The following KANSL1 variants were observed in gnomAD, a reference collection of about 807,000 sequenced individuals.
KANSL1 encodes the protein KAT8 regulatory NSL complex subunit 1.
In KANSL1, 22 loss-of-function variants were observed where a neutral mutation model predicts 103.6. The ratio of observed to expected loss-of-function variants is 0.21; its 90% CI spans 0.15 to 0.30. The LOEUF (loss-of-function observed/expected upper bound fraction) is 0.30. KANSL1 is among the 10% of genes least tolerant of loss of function. The probability of loss-of-function intolerance (pLI) is 1.00; values close to 1 mark genes in which losing one functional copy is unlikely to be tolerated. For synonymous variants in KANSL1, 600 were observed against 527.6 expected (o/e 1.14, Z -1.88); for missense variants, 1,337 against 1,399.8 (o/e 0.96, Z 0.72).
rs199498626 is a variant in KANSL1 at position 46,171,589 on chromosome 17, T to G, written c.555A>C (p.Ser185=). 6.3e-7 allele frequency: 1 copy of G among 1,593,902 alleles called. No homozygotes were observed. Among genetic ancestry groups the G allele is most frequent in the African/African-American group, 1.4e-5 (1 of 73,710 alleles). ...CCATTTCACCCCCATGAAGAGCAGATGAAGTGAGAGCCCGTTTTCCCCCAT... is the reference window on the plus strand; with the variant it reads ...CCATTTCACCCCCATGAAGAGCAGAGGAAGTGAGAGCCCGTTTTCCCCCAT... ...SLNGGKRALT[S]SALHGGEMGG... The change falls in exon 2 of 15, where the codon TCA becomes TCC. Residue 185 remains serine, a synonymous_variant. Transcript: ENST00000432791.
intron 4 of KANSL1, among the ~76,000 whole-genome samples, chr17:46,068,841 G>A (rs1349292599): frequency 6.6e-6 from 1 of 152,132 alleles, no homozygotes; most frequent in Admixed American, 6.6e-5. Flanking sequence ...GCACCTCTGA[G>A]GTATAGGCAA....
rs148908460 is a variant in KANSL1 at position 46,183,102 on chromosome 17, T to C, written c.-90+9721A>G. ...AGTAGGCGGAGTCAGAAAATGCTTT[T>C]CAGAAAAAAGAACATCCAGGCTGAA... On this transcript the variant is annotated intron_variant, in intron 1 of 14. Transcript: ENST00000432791. Among the ~76,000 whole-genome samples, 210 of 152,206 alleles carry C rather than the reference T, an allele frequency of 1.4e-3. 2 individuals are homozygous for C. Among genetic ancestry groups the C allele is most frequent in the African/African-American group, 2.2e-3 (90 of 41,518 alleles).
intron 1 of KANSL1, among the ~76,000 whole-genome samples, chr17:46,191,368 TG>T (rs1284604655): frequency 2.6e-5 from 4 of 152,230 alleles, no homozygotes; most frequent in Non-Finnish European, 5.9e-5. Context: ...TTTTCTAAAT[TG>T]GTCAGACAGC....
intron 4 of KANSL1, among the ~76,000 whole-genome samples, chr17:46,068,563 T>C (rs2078464127): frequency 1.3e-5 from 2 of 152,128 alleles, no homozygotes; most frequent in Admixed American, 1.3e-4. Context: ...AGTGAGACCC[T>C]GTCTCAATGA....
chr17:46,186,845 A>AG (rs1200205148), intron 1 of KANSL1, among the ~76,000 whole-genome samples: 1 of 151,974 alleles, frequency 6.6e-6, no homozygotes, highest in African/African-American at 2.4e-5. Context: ...CTCCTGCCTC[A>AG]GCCTCTTGAG....
chr17:46,119,287 G>A (rs75229280), intron 2 of KANSL1, among the ~76,000 whole-genome samples: 21,481 of 151,540 alleles, frequency 0.14, 2,114 homozygotes, highest in Non-Finnish European at 0.22. Context: ...ATCTGTATAC[G>A]GGTAATCTGG....
intron 1 of KANSL1, among the ~76,000 whole-genome samples, chr17:46,183,278 A>AT (rs68180932): frequency 0.053 from 7,847 of 149,080 alleles, 676 homozygotes; most frequent in African/African-American, 0.18. Context: ...AAAAACACTA[A>AT]TTTTTTTTTT....
chr17:46,105,009 G>A (rs1349503923), intron 2 of KANSL1, among the ~76,000 whole-genome samples: 1 of 152,092 alleles, frequency 6.6e-6, no homozygotes, highest in Admixed American at 6.5e-5. Context: ...TAGAAACAAG[G>A]TTTCACTTGG....
intron 1 of KANSL1, among the ~76,000 whole-genome samples, chr17:46,183,493 T>C (rs1397444391): frequency 6.6e-6 from 1 of 151,952 alleles, no homozygotes; most frequent in African/African-American, 2.4e-5. Context: ...TGAGCTGTTA[T>C]CACGCCACTG....
chr17:46,098,277 T>C (rs1407753874), intron 2 of KANSL1, among the ~76,000 whole-genome samples: 3 of 151,980 alleles, frequency 2.0e-5, no homozygotes, highest in African/African-American at 4.9e-5. Flanking sequence ...TTTGGATTTA[T>C]AGATTCCTTT....
At chr17:46,089,119 A>C (rs2079277199) in intron 3 of KANSL1, among the ~76,000 whole-genome samples, 1 of 152,232 alleles carries the variant, frequency 6.6e-6, no homozygotes, top group Non-Finnish European at 1.5e-5. Context: ...TTTAATTAGT[A>C]TACACTCAAG....
rs2076960085 is a variant in KANSL1 at position 46,029,989 on chromosome 17, GA to G, written c.*1486del. 6.7e-6 allele frequency: 1 copy of G among 148,790 alleles called. No homozygotes were observed. The highest frequency in any genetic ancestry group is 2.1e-4 in the South Asian group (1 of 4,726). 9.2% of individuals were successfully genotyped at this position (148,790 alleles called of 1,614,324 possible). ...TTTTAAGCACTAGTCTGTGCTTTGC[GA>G]ACAGAATCAAGACATTAACAAAGAT... On this transcript the variant is annotated 3_prime_UTR_variant, in exon 15 of 15. Coordinates refer to ENST00000432791, the MANE Select transcript of KANSL1 (RefSeq NM_015443.4).
chr17:46,102,257 C>T (rs1412491905), intron 2 of KANSL1, among the ~76,000 whole-genome samples: 2 of 150,172 alleles, frequency 1.3e-5, no homozygotes, highest in Non-Finnish European at 3.0e-5. Flanking sequence ...AGAGCCAATA[C>T]TTTTTTTTTT....
intron 14 of KANSL1, 111 bp from the exon 15 acceptor site, chr17:46,031,814 T>G (rs943120501): frequency 1.8e-6 from 2 of 1,125,624 alleles, no homozygotes; most frequent in Admixed American, 4.9e-5. Context: ...GTCTATCTAG[T>G]GTTCCTGCGA....
intron 3 of KANSL1, among the ~76,000 whole-genome samples, chr17:46,087,306 C>T (rs1475423607): frequency 2.0e-5 from 3 of 152,154 alleles, no homozygotes; most frequent in African/African-American, 7.2e-5. Flanking sequence ...CTGTCCATTG[C>T]CCCCAAGATA....
At chr17:46,128,185 T>C (rs1172491235) in intron 2 of KANSL1, among the ~76,000 whole-genome samples, 2 of 152,152 alleles carry the variant, frequency 1.3e-5, no homozygotes, top group Non-Finnish European at 2.9e-5. Flanking sequence ...ATCATCACTA[T>C]CTCTAGTAAA....
At chr17:46,160,585 C>T (rs909932721) in intron 2 of KANSL1, among the ~76,000 whole-genome samples, 2 of 152,140 alleles carry the variant, frequency 1.3e-5, no homozygotes, top group Non-Finnish European at 2.9e-5. Context: ...AGAGGCATCA[C>T]GCCCATATAA....
chr17:46,030,865 G>C lies in KANSL1; in HGVS notation c.*611C>G, dbSNP rs770095702. ...GTCAAAACAGAGAAGACCAAATGCA[G>C]ATGAAACAAAAAATCAGTCTCTTAA... On this transcript the variant is annotated 3_prime_UTR_variant, in exon 15 of 15. Coordinates refer to ENST00000432791, the MANE Select transcript of KANSL1 (RefSeq NM_015443.4). 4.6e-5 allele frequency: 7 copies of C among 152,722 alleles called. No homozygotes were observed. Among genetic ancestry groups the C allele is most frequent in the Non-Finnish European group, 1.0e-4 (7 of 68,446 alleles). 9.5% of individuals were successfully genotyped at this position (152,722 alleles called of 1,614,324 possible).
intron 2 of KANSL1, chr17:46,156,818 G>A (rs538023027): frequency 6.6e-6 from 1 of 152,442 alleles, no homozygotes; most frequent in Non-Finnish European, 1.4e-5. Context: ...AGAATCGCTT[G>A]AACCAGGGAG....
Sources: gnomAD v4.1 joint callset for allele counts (sites outside exome capture counted in the v4.1 genomes callset) on GRCh38, gnomAD v4.1.1 for gene constraint, MANE v1.5 for transcripts, NCBI Gene and HGNC (gene_info 2026-07-23, HGNC 2026-07-21) for gene names.